DPYD: variants seen among roughly 807,000 people sequenced by gnomAD.
DPYD encodes the protein dihydropyrimidine dehydrogenase.
A neutral mutation model predicts 116.2 loss-of-function variants in DPYD; 109 were observed. That is an observed-to-expected ratio of 0.94 (90% CI 0.80 to 1.10). The LOEUF (loss-of-function observed/expected upper bound fraction) is 1.10, where lower values mean the gene tolerates loss of function less well. Ranked by LOEUF, DPYD falls within the 50% of genes least tolerant of loss-of-function variation. The probability of loss-of-function intolerance (pLI) is 0.00; values close to 1 mark genes in which losing one functional copy is unlikely to be tolerated. For missense variants in DPYD, 1,302 were observed against 1,254.5 expected (o/e 1.04, Z -0.57); for synonymous variants, 440 against 432.0 (o/e 1.02, Z -0.23).
intron 2 of DPYD, among the ~76,000 whole-genome samples, chr1:97,831,876 T>C (rs1346823281): frequency 6.6e-6 from 1 of 151,844 alleles, no homozygotes; most frequent in East Asian, 1.9e-4. Context: ...AAAGTGGGAA[T>C]ACACAGGAAA....
chr1:97,171,116 G>T (rs1048267880), intron 20 of DPYD, among the ~76,000 whole-genome samples: 1 of 152,174 alleles, frequency 6.6e-6, no homozygotes, highest in African/African-American at 2.4e-5. Flanking sequence ...TAAAAGTCAA[G>T]TAATATAACA....
At chr1:97,648,505 A>G (rs1371349398) in intron 8 of DPYD, among the ~76,000 whole-genome samples, 1 of 151,940 alleles carries the variant, frequency 6.6e-6, no homozygotes, top group Non-Finnish European at 1.5e-5. Flanking sequence ...GTATTTTGAC[A>G]ATGAGGTTTA....
intron 14 of DPYD, among the ~76,000 whole-genome samples, chr1:97,383,475 CAAAAAAAA>C (rs796302274): frequency 2.5e-5 from 2 of 80,282 alleles, no homozygotes; most frequent in Admixed American, 1.4e-4. Context: ...GACTCTGTCT[CAAAAAAAA>C]AAAAAGAAAA....
At chr1:97,641,984 G>A (rs1490908363) in intron 8 of DPYD, among the ~76,000 whole-genome samples, 1 of 152,096 alleles carries the variant, frequency 6.6e-6, no homozygotes, top group Non-Finnish European at 1.5e-5. Flanking sequence ...CAAATCATGA[G>A]TGAACTCTCA....
chr1:97,620,283 G>T (rs1426195805), intron 8 of DPYD, among the ~76,000 whole-genome samples: 1 of 152,108 alleles, frequency 6.6e-6, no homozygotes, highest in African/African-American at 2.4e-5. Context: ...CATGATCGTA[G>T]CACACACTAT....
chr1:97,671,015 AAAG>A (rs1659833352), intron 8 of DPYD, among the ~76,000 whole-genome samples: 1 of 152,132 alleles, frequency 6.6e-6, no homozygotes, highest in Non-Finnish European at 1.5e-5. Flanking sequence ...AGATAAACAC[AAAG>A]AAGGTAAATG....
intron 20 of DPYD, among the ~76,000 whole-genome samples, chr1:97,127,225 A>T (rs190114554): frequency 5.3e-5 from 8 of 152,298 alleles, no homozygotes; most frequent in Non-Finnish European, 7.4e-5. Context: ...GATGTTTGTG[A>T]CAAAGAGGAA....
chr1:97,149,294 C>T (rs985587352), intron 20 of DPYD, among the ~76,000 whole-genome samples: 2 of 152,266 alleles, frequency 1.3e-5, no homozygotes, highest in Admixed American at 1.3e-4. Context: ...CTCTGTCACC[C>T]ACGCTGGAGT....
chr1:97,840,452 C>T (rs1164975028), intron 2 of DPYD, among the ~76,000 whole-genome samples: 1 of 152,014 alleles, frequency 6.6e-6, no homozygotes, highest in Non-Finnish European at 1.5e-5. Flanking sequence ...TGGAGGTTAA[C>T]TAGATACTGT....
At chr1:97,239,433 C>G (rs895566150) in intron 18 of DPYD, among the ~76,000 whole-genome samples, 1 of 151,966 alleles carries the variant, frequency 6.6e-6, no homozygotes, top group African/African-American at 2.4e-5. Context: ...TTTATCCATT[C>G]ATCTGTCTAT....
rs528843388 is a variant in DPYD, at chr1:97,771,982, T to G, written c.234-31503A>C. On this transcript the variant is annotated intron_variant, in intron 3 of 22. Transcript: ENST00000370192. The stretch of plus-strand genomic sequence containing the variant: ...GGAAAAGGCTATAAAATTTAGTAAG[T>G]AGAAAAATAAGTAAAAGGTATTAAT... Among the ~76,000 whole-genome samples, 7 of 152,312 alleles carry G rather than the reference T, an allele frequency of 4.6e-5. No homozygotes were observed. In the South Asian group the frequency reaches 1.4e-3, roughly 32 times the overall value.
At chr1:97,811,027 A>T (rs1192508156) in intron 3 of DPYD, among the ~76,000 whole-genome samples, 1 of 151,958 alleles carries the variant, frequency 6.6e-6, no homozygotes, top group Non-Finnish European at 1.5e-5. Context: ...TACATCAGAA[A>T]ACTCTCATTT....
intron 18 of DPYD, among the ~76,000 whole-genome samples, chr1:97,248,503 G>T (rs144471794): frequency 5.3e-5 from 8 of 152,154 alleles, no homozygotes; most frequent in African/African-American, 1.9e-4. Context: ...CCAGTCTGAT[G>T]TATGTCTTTA....
intron 19 of DPYD, among the ~76,000 whole-genome samples, chr1:97,202,903 A>C (rs1659310182): frequency 6.6e-6 from 1 of 152,202 alleles, no homozygotes; most frequent in African/African-American, 2.4e-5. Context: ...GTAGGGCCAA[A>C]GAATGGTGAT....
chr1:97,328,492 T>TCA (rs1668818583), intron 16 of DPYD, among the ~76,000 whole-genome samples: 1 of 152,162 alleles, frequency 6.6e-6, no homozygotes, highest in Non-Finnish European at 1.5e-5. Context: ...CCCATTCATA[T>TCA]CACACACACT....
intron 18 of DPYD, among the ~76,000 whole-genome samples, chr1:97,268,595 C>G (rs1018988953): frequency 6.6e-6 from 1 of 152,170 alleles, no homozygotes; most frequent in Non-Finnish European, 1.5e-5. Flanking sequence ...CAGCTTATAC[C>G]TTCTGGAGTG....
chr1:97,171,248 G>A (rs547310366), intron 20 of DPYD, among the ~76,000 whole-genome samples: 1 of 152,208 alleles, frequency 6.6e-6, no homozygotes, highest in South Asian at 2.1e-4. Context: ...GAAAGGTTGA[G>A]GAAAGAAGGT....
intron 14 of DPYD, among the ~76,000 whole-genome samples, chr1:97,444,226 T>C (rs910541865): frequency 1.3e-5 from 2 of 152,172 alleles, no homozygotes; most frequent in African/African-American, 4.8e-5. Context: ...CTTAAGAGAG[T>C]TGGAATAACA....
At chr1:97,615,333 T>C (rs998302203) in intron 8 of DPYD, among the ~76,000 whole-genome samples, 1 of 152,138 alleles carries the variant, frequency 6.6e-6, no homozygotes, top group Non-Finnish European at 1.5e-5. Context: ...TCAAAATATA[T>C]TCATAGAGCA....
Sources: gnomAD v4.1 joint callset for allele counts (sites outside exome capture counted in the v4.1 genomes callset) on GRCh38, gnomAD v4.1.1 for gene constraint, MANE v1.5 for transcripts, NCBI Gene and HGNC (gene_info 2026-07-23, HGNC 2026-07-21) for gene names.